MPPED2: variants seen among roughly 807,000 people sequenced by gnomAD.
MPPED2 encodes the protein metallophosphoesterase MPPED2.
A neutral mutation model predicts 33.0 loss-of-function variants in MPPED2; 5 were observed. The ratio of observed to expected loss-of-function variants is 0.15; its 90% CI spans 0.08 to 0.32. The LOEUF is 0.32. MPPED2 is among the 10% of genes least tolerant of loss of function. The pLI, the probability that MPPED2 is intolerant of heterozygous loss-of-function variation, is 1.00. For synonymous variants in MPPED2, 136 were observed against 141.9 expected, an observed-to-expected ratio of 0.96 and a Z score of 0.29; for missense variants, 275 against 372.1, an observed-to-expected ratio of 0.74 and a Z score of 2.15.
At chr11:30,466,499 A>G (rs1291443201) in intron 4 of MPPED2, among the ~76,000 whole-genome samples, 1 of 152,204 alleles carries the variant, frequency 6.6e-6, no homozygotes, top group Non-Finnish European at 1.5e-5. Flanking sequence ...AGCTGGATCC[A>G]TTGAGGAAAG....
At chr11:30,457,000 G>C (rs1396731688) in intron 4 of MPPED2, among the ~76,000 whole-genome samples, 7 of 152,180 alleles carry the variant, frequency 4.6e-5, no homozygotes, top group African/African-American at 1.7e-4. Context: ...ACTTCATCAA[G>C]AGGAGTAAGC....
intron 4 of MPPED2, among the ~76,000 whole-genome samples, chr11:30,432,333 C>G (rs560326594): frequency 3.9e-4 from 59 of 152,304 alleles, no homozygotes; most frequent in Non-Finnish European, 8.4e-4. Flanking sequence ...TTGCTCTTTT[C>G]TCTTATTACT....
chr11:30,576,272 A>C (rs1956927282), intron 2 of MPPED2, among the ~76,000 whole-genome samples: 1 of 152,184 alleles, frequency 6.6e-6, no homozygotes, highest in Non-Finnish European at 1.5e-5. Context: ...AAACCCGGTA[A>C]TCTGATTCCA....
At chr11:30,545,193 T>C (rs559827) in intron 2 of MPPED2, among the ~76,000 whole-genome samples, 23,587 of 152,058 alleles carry the variant, frequency 0.16, 3,422 homozygotes, top group African/African-American at 0.38. Context: ...CAGGGAAAGC[T>C]GAATTTTAGG....
At chr11:30,414,153 C>T in intron 6 of MPPED2, 75 bp downstream of exon 6, 1 of 1,014,180 alleles carries the variant, frequency 9.9e-7, no homozygotes, top group Non-Finnish European at 1.6e-6. Flanking sequence ...ACAACTACTC[C>T]ACTTATTCCT....
At chr11:30,463,220 A>G (rs1465480645) in intron 4 of MPPED2, among the ~76,000 whole-genome samples, 1 of 152,234 alleles carries the variant, frequency 6.6e-6, no homozygotes, top group Non-Finnish European at 1.5e-5. Context: ...TAACAACTGA[A>G]GAAAATAAAC....
At chr11:30,491,615 G>A (rs747873375) in intron 4 of MPPED2, among the ~76,000 whole-genome samples, 1 of 152,178 alleles carries the variant, frequency 6.6e-6, no homozygotes, top group Admixed American at 6.5e-5. Context: ...AAACCGTAAT[G>A]TTTTCTCCCA....
rs960671299 is a variant in MPPED2 at position 30,537,235 on chromosome 11, C to A, written c.129-1060G>T. On this transcript the variant is annotated intron_variant, in intron 2 of 6. Transcript: ENST00000358117. ...CTACACTGACAGCCTCCTTTAATTTCTCTGTAGGAATGTACACTTATTTTC... is the reference window on the plus strand; with the variant it reads ...CTACACTGACAGCCTCCTTTAATTTATCTGTAGGAATGTACACTTATTTTC... 9.2e-5 allele frequency among the ~76,000 whole-genome samples: 14 copies of A among 152,272 alleles called. No individual in the cohort carries two copies. In the East Asian group the frequency reaches 2.5e-3, roughly 27 times the overall value.
chr11:30,402,910 C>T (rs1947929156), intron 6 of MPPED2, among the ~76,000 whole-genome samples: 1 of 152,126 alleles, frequency 6.6e-6, no homozygotes, highest in Non-Finnish European at 1.5e-5. Context: ...CTGCAGCTTA[C>T]GATTAGCTCT....
downstream of MPPED2, among the ~76,000 whole-genome samples, chr11:30,407,202 C>G (rs769725052): frequency 1.3e-5 from 2 of 152,172 alleles, no homozygotes. Flanking sequence ...TTTCAGCAAC[C>G]TCCCAACATA....
chr11:30,524,136 G>C (rs1023306420), intron 3 of MPPED2, among the ~76,000 whole-genome samples: 1 of 152,044 alleles, frequency 6.6e-6, no homozygotes, highest in African/African-American at 2.4e-5. Flanking sequence ...TGTAATTCCA[G>C]CTACTCAGTG....
intron 4 of MPPED2, among the ~76,000 whole-genome samples, chr11:30,458,289 G>T (rs2133985918): frequency 6.6e-6 from 1 of 152,270 alleles, no homozygotes; most frequent in Middle Eastern, 3.4e-3. Context: ...GTACAACCTT[G>T]CCATTTAAGT....
chr11:30,480,440 G>C (rs758735738), intron 4 of MPPED2, among the ~76,000 whole-genome samples: 2 of 151,874 alleles, frequency 1.3e-5, no homozygotes, highest in Non-Finnish European at 2.9e-5. Context: ...GAGACTTTCA[G>C]TTTTTTATTT....
In MPPED2 at chr11:30,489,933, T is replaced by A. The variant is rs987177279; in HGVS notation, c.536+5363A>T. ...GGATTTTTTTTTTTTCTGCACAGTA[T>A]CTTAGTATCAAAACAGCAAAAGAAG... On this transcript the variant is annotated intron_variant, in intron 4 of 6. Coordinates refer to ENST00000358117, the MANE Select transcript of MPPED2 (RefSeq NM_001584.3). 4.0e-5 allele frequency among the ~76,000 whole-genome samples: 6 copies of A among 151,658 alleles called. No individual in the cohort carries two copies. The East Asian group carries it at 1.2e-3, about 29-fold the overall frequency.
chr11:30,432,737 AT>A (rs1949137975), intron 4 of MPPED2, among the ~76,000 whole-genome samples: 1 of 152,200 alleles, frequency 6.6e-6, no homozygotes, highest in African/African-American at 2.4e-5. Context: ...ATTTTGATGT[AT>A]ATATTTCTAG....
intron 2 of MPPED2, among the ~76,000 whole-genome samples, chr11:30,558,956 G>C (rs1956115399): frequency 6.6e-6 from 1 of 152,008 alleles, no homozygotes; most frequent in East Asian, 1.9e-4. Flanking sequence ...TTTGAAGTGG[G>C]ATAAGCATGG....
chr11:30,583,351 A>G (rs1590949976), intron 1 of MPPED2, among the ~76,000 whole-genome samples: 2 of 151,868 alleles, frequency 1.3e-5, no homozygotes, highest in South Asian at 4.2e-4. Flanking sequence ...CACTTACTTT[A>G]ACTTTTTACA....
chr11:30,532,094 G>C (rs1198472359), intron 3 of MPPED2, among the ~76,000 whole-genome samples: 1 of 152,196 alleles, frequency 6.6e-6, no homozygotes, highest in East Asian at 1.9e-4. Context: ...ACAAGTTATT[G>C]TGGGGGTTGT....
chr11:30,576,181 G>C (rs919910425), intron 2 of MPPED2, among the ~76,000 whole-genome samples: 2 of 152,140 alleles, frequency 1.3e-5, no homozygotes, highest in Admixed American at 1.3e-4. Context: ...GGATCTTACA[G>C]ATAGAAAAAT....
Sources: allele counts gnomAD v4.1 joint callset (sites outside exome capture counted in the v4.1 genomes callset), GRCh38; gene constraint gnomAD v4.1.1; transcripts MANE v1.5; gene names NCBI Gene and HGNC (gene_info 2026-07-23, HGNC 2026-07-21).